Variants in SRRM5 observed in about 807,000 individuals in gnomAD.
The protein encoded by SRRM5 is serine/arginine repetitive matrix protein 5.
In SRRM5, 1 loss-of-function variant was observed where a neutral mutation model predicts 1.3. The ratio of observed to expected loss-of-function variants is 0.76; its 90% CI spans 0.27 to 3.59. The LOEUF is 3.59. SRRM5 is among the 30% of genes most tolerant of loss of function. The probability of loss-of-function intolerance (pLI) is 0.19; values close to 1 mark genes in which losing one functional copy is unlikely to be tolerated. For synonymous variants in SRRM5, 275 were observed against 320.2 expected, an observed-to-expected ratio of 0.86 and a Z score of 1.51; for missense variants, 875 against 914.5, an observed-to-expected ratio of 0.96 and a Z score of 0.56.
rs757710660 is a variant in SRRM5, at chr19:43,614,125, T to C, written c.2004T>C (p.Pro668=). The C allele has an allele frequency of 1.9e-6, 3 of 1,605,840 alleles. No individual in the cohort carries two copies. The highest frequency in any genetic ancestry group is 2.2e-5 in the South Asian group (2 of 90,064). ...RTSSLSQNRT[P]SKTSSHSPST... is the part of the protein sequence containing the mutation. Reference sequence around the variant, plus strand: ...GCAGTCTCAGTCAGAATAGAACCCCTAGCAAGACAAGCAGCCACTCCCCAT... The same window carrying C: ...GCAGTCTCAGTCAGAATAGAACCCCCAGCAAGACAAGCAGCCACTCCCCAT... The change falls in exon 1 of 1, where the codon CCT becomes CCC. Residue 668 remains proline (P), a synonymous_variant. Transcript: ENST00000417606.
Position 43,614,089 on chromosome 19 carries a change from TA to T in SRRM5, c.1969del (p.Thr657LeufsTer30). 1 of 1,569,646 alleles carries T rather than the reference TA, an allele frequency of 6.4e-7. No individual in the cohort carries two copies. Among genetic ancestry groups the T allele is most frequent in the South Asian group, 1.2e-5 (1 of 86,100 alleles). On this transcript the variant is annotated frameshift_variant, in exon 3 of 3. Transcript: ENST00000607544. LOFTEE classifies it low-confidence loss of function (END_TRUNC). ...GAAGTCCCGACTGGAAGAGATCCCC[TA>T]CTAGGACAAGCAGTCTCAGTCAGAA...
At position 43,612,218 on chromosome 19, in the gene SRRM5, A is replaced by T; in HGVS notation, c.97A>T (p.Lys33Ter). The T allele has an allele frequency of 6.4e-7, 1 of 1,551,710 alleles. No homozygotes were observed. Among genetic ancestry groups the T allele is most frequent in the Non-Finnish European group, 8.7e-7 (1 of 1,147,000 alleles). ...GGATCCCAAGCCTCCTGCCTCCTTG[A>T]AGTCCACCAAATCAGCAACACCCAA... The change falls in exon 3 of 3, where the codon AAG (lysine) becomes TAG (stop). Residue 33 changes from lysine (K) to a stop codon, truncating the protein, a stop_gained. Transcript: ENST00000607544. LOFTEE classifies it low-confidence loss of function (END_TRUNC). The surrounding 1 kb of genome is among the most constrained non-coding windows in gnomAD (Gnocchi z 4.2).
Position 43,613,528 on chromosome 19 carries a change from G to A in SRRM5, c.1407G>A (p.Lys469=). ...RDHSRSRSPN[K]ARDRSRSRSP... is the part of the protein sequence containing the mutation. ...ATAGCCGATCTAGAAGTCCCAACAA[G>A]GCGAGAGATCGCAGCCGATCTAGAA... Residue 469 remains lysine (K), a synonymous_variant, in exon 1 of 1, where the codon AAG becomes AAA. Transcript: ENST00000417606. 2.6e-6 allele frequency: 4 copies of A among 1,551,120 alleles called. No individual in the cohort carries two copies. The highest frequency in any genetic ancestry group is 3.5e-6 in the Non-Finnish European group (4 of 1,146,842).
chr19:43,613,639 G>C lies in SRRM5; in HGVS notation c.1518G>C (p.Glu506Asp), dbSNP rs568803309. 2 of 1,548,380 alleles carry C rather than the reference G, an allele frequency of 1.3e-6. No individual in the cohort carries two copies. The highest frequency in any genetic ancestry group is 2.0e-5 in the Admixed American group (1 of 50,938). ...GACGATCTAGAAGCCCCAGCAAGGA[G>C]AGACAGTGCAGACAATCTAGAAGCT... ...DHRRSRSPSK[E>D]RQCRQSRSSS... The change falls in exon 1 of 1, where the codon GAG becomes GAC. Residue 506 changes from glutamate (E) to aspartate (D), a missense_variant. Glu to Asp is a conservative substitution (Grantham distance 45). Transcript: ENST00000417606.
In SRRM5 at chr19:43,614,433, T is replaced by A. The variant is rs1973351309; in HGVS notation, c.*164T>A. On this transcript the variant is annotated 3_prime_UTR_variant, in exon 1 of 1. Transcript: ENST00000417606. ...CAGGATGTTGGCAGGTAGAGAGGGATGCTGGATAGGGGGAAAGGAAAGACC... is the reference window on the plus strand; with the variant it reads ...CAGGATGTTGGCAGGTAGAGAGGGAAGCTGGATAGGGGGAAAGGAAAGACC... 6 of 1,452,970 alleles carry A rather than the reference T, an allele frequency of 4.1e-6. No homozygotes were observed. The East Asian group carries it at 1.5e-4, about 36-fold the overall frequency. 90.0% of individuals were successfully genotyped at this position (1,452,970 alleles called of 1,614,324 possible).
rs761159656 is a variant in SRRM5 at position 43,612,746 on chromosome 19, G to C, written c.625G>C (p.Glu209Gln). 3 of 1,551,576 alleles carry C rather than the reference G, an allele frequency of 1.9e-6. No individual in the cohort carries two copies. Among genetic ancestry groups the C allele is most frequent in the Admixed American group, 2.0e-5 (1 of 51,000 alleles). ...AGGCTCAGGTATAGGGAGGAGTTCC[G>C]AGCTGGCTGTAACTCCCAGTACAGC... ...PGGSGIGRSS[E>Q]LAVTPSTAKC... Residue 209 changes from glutamate to glutamine, a missense_variant, in exon 1 of 1, where the codon GAG becomes CAG. Physicochemically the swap from Glu to Gln is conservative, Grantham distance 29. Coordinates refer to ENST00000417606, the MANE Select transcript of SRRM5 (RefSeq NM_001145641.2). The surrounding 1 kb of genome is among the most constrained non-coding windows in gnomAD (Gnocchi z 4.2).
chr19:43,612,937 C>T lies in SRRM5; in HGVS notation c.816C>T (p.Ala272=), dbSNP rs372081275. 6.4e-7 allele frequency: 1 copy of T among 1,551,650 alleles called. No homozygotes were observed. Among genetic ancestry groups the T allele is most frequent in the African/African-American group, 1.4e-5 (1 of 73,178 alleles). The change falls in exon 1 of 1, where the codon GCC becomes GCT. Residue 272 remains alanine (A), a synonymous_variant. Transcript: ENST00000417606. This position sits in a 1 kb window ranked among gnomAD's most constrained non-coding sequence, Gnocchi z 4.2. ...MSSRVKSYNQ[A]STRSRPQSHS... is the part of the protein sequence containing the mutation. The stretch of plus-strand genomic sequence containing the variant: ...GCAGGGTCAAGAGTTATAACCAGGC[C>T]AGCACCCGCAGCAGGCCGCAAAGTC...
In SRRM5 at chr19:43,614,218, G is replaced by A; in HGVS notation, c.2097G>A (p.Lys699=). ...GTCAAGCCGACGCCACCACCTCTAAGGCCACCTTACCTGGGGAAAGGTCTT... is the reference window on the plus strand; with the variant it reads ...GTCAAGCCGACGCCACCACCTCTAAAGCCACCTTACCTGGGGAAAGGTCTT... ...DDSQADATTS[K]ATLPGERSSS... is the part of the protein sequence containing the mutation. Residue 699 remains lysine (K), a synonymous_variant, in exon 1 of 1, where the codon AAG becomes AAA. Coordinates refer to ENST00000417606, the MANE Select transcript of SRRM5 (RefSeq NM_001145641.2). 1 of 1,614,204 alleles carries A rather than the reference G, an allele frequency of 6.2e-7. No individual in the cohort carries two copies. The highest frequency in any genetic ancestry group is 8.5e-7 in the Non-Finnish European group (1 of 1,180,036).
In SRRM5 at chr19:43,612,396, G is replaced by C; in HGVS notation, c.275G>C (p.Ser92Thr). Residue 92 changes from serine to threonine, a missense_variant, in exon 1 of 1, where the codon AGC (serine) becomes ACC (threonine). Coordinates refer to ENST00000417606, the MANE Select transcript of SRRM5 (RefSeq NM_001145641.2). The surrounding 1 kb of genome is among the most constrained non-coding windows in gnomAD (Gnocchi z 4.2). Reference protein sequence around the residue: ...SRVRSKARTPSRVSTDTRTSK... With the variant: ...SRVRSKARTPTRVSTDTRTSK... ...GTCCGCAGCAAAGCAAGAACACCCA[G>C]CAGGGTGAGCACCGACACCAGGACC... 6.4e-7 allele frequency: 1 copy of C among 1,551,708 alleles called. No individual in the cohort carries two copies. The highest frequency in any genetic ancestry group is 8.7e-7 in the Non-Finnish European group (1 of 1,147,004).
chr19:43,613,461 G>A lies in SRRM5; in HGVS notation c.1340G>A (p.Arg447Lys), dbSNP rs1280628155. Residue 447 changes from arginine to lysine, a missense_variant, in exon 1 of 1, where the codon AGA (arginine) becomes AAA (lysine). By Grantham distance (26) the Arg-to-Lys change is conservative. Transcript: ENST00000417606. ...CSRSRSPYKARDRSRSRSPNK... is the reference protein window; with the variant it reads ...CSRSRSPYKAKDRSRSRSPNK... ...CGATCTAGAAGTCCCTACAAGGCGA[G>A]AGATCGCAGCCGATCTAGAAGTCCC... 9 of 1,548,578 alleles carry A rather than the reference G, an allele frequency of 5.8e-6. No homozygotes were observed. Among genetic ancestry groups the A allele is most frequent in the Admixed American group, 2.0e-5 (1 of 50,540 alleles).
chr19:43,613,757 A>G lies in SRRM5; in HGVS notation c.1636A>G (p.Ser546Gly). 6.4e-7 allele frequency: 1 copy of G among 1,551,646 alleles called. No individual in the cohort carries two copies. Among genetic ancestry groups the G allele is most frequent in the African/African-American group, 1.4e-5 (1 of 73,150 alleles). Reference sequence around the variant, plus strand: ...AAGCCCCAACAAGGAGAGAGATCGCAGCCAATCTAGAAGCCCCAGCGAGGA... The same window carrying G: ...AAGCCCCAACAAGGAGAGAGATCGCGGCCAATCTAGAAGCCCCAGCGAGGA... The part of the protein sequence containing the change: ...SRSPNKERDR[S>G]QSRSPSEERE... Residue 546 changes from serine (S) to glycine (G), a missense_variant, in exon 1 of 1, where the codon AGC becomes GGC. Physicochemically the swap from Ser to Gly is moderately conservative, Grantham distance 56. Transcript: ENST00000417606.
Position 43,614,200 on chromosome 19 carries a change from C to T in SRRM5, c.2079C>T (p.Ala693=), listed in dbSNP as rs1973347736. Residue 693 remains alanine (A), a synonymous_variant, in exon 1 of 1, where the codon GCC becomes GCT. Transcript: ENST00000417606. The part of the protein sequence containing the change: ...GQTLSQDDSQ[A]DATTSKATLP... Reference sequence around the variant, plus strand: ...CCCTAAGCCAGGATGACAGTCAAGCCGACGCCACCACCTCTAAGGCCACCT... The same window carrying T: ...CCCTAAGCCAGGATGACAGTCAAGCTGACGCCACCACCTCTAAGGCCACCT... 9.3e-6 allele frequency: 15 copies of T among 1,614,076 alleles called. No individual in the cohort carries two copies. Among genetic ancestry groups the T allele is most frequent in the Non-Finnish European group, 1.2e-5 (14 of 1,180,038 alleles).
rs778734681 is a variant in SRRM5, at chr19:43,613,826, C to T, written c.1705C>T (p.Arg569Cys). 14 of 1,549,246 alleles carry T rather than the reference C, an allele frequency of 9.0e-6. No homozygotes were observed. In the Admixed American group the frequency reaches 1.8e-4, roughly 20 times the overall value. The change falls in exon 1 of 1, where the codon CGC becomes TGC. Residue 569 changes from arginine (R) to cysteine (C), a missense_variant. Arg to Cys is a radical substitution (Grantham distance 180). Coordinates refer to ENST00000417606, the MANE Select transcript of SRRM5 (RefSeq NM_001145641.2). The stretch of plus-strand genomic sequence containing the variant: ...CAGAAGCCCCAGCAAAGAGAGAGAT[C>T]GCAGACGATGGAGAAGCCCCAGCAA... ...QSRSPSKERD[R>C]RRWRSPSKER...
At position 43,613,925 on chromosome 19, in the gene SRRM5, C is replaced by T; in HGVS notation, c.1804C>T (p.Gln602Ter). 6.4e-7 allele frequency: 1 copy of T among 1,551,562 alleles called. No homozygotes were observed. The highest frequency in any genetic ancestry group is 8.7e-7 in the Non-Finnish European group (1 of 1,146,964). ...CAGCCGATCTAGAAGCCCCAATAAG[C>T]AGAGTGGTTACAGTCGACCTAGAGC... is the stretch of plus-strand genomic sequence containing the variant. The change falls in exon 3 of 3, where the codon CAG becomes TAG. Residue 602 changes from glutamine (Q) to a stop codon, truncating the protein, a stop_gained. Transcript: ENST00000607544. LOFTEE classifies it low-confidence loss of function (END_TRUNC).
In SRRM5 at chr19:43,612,917, G is replaced by A. The variant is rs1376491946; in HGVS notation, c.796G>A (p.Val266Ile). ...SYSPTEMSSR[V>I]KSYNQASTRS... is the part of the protein sequence containing the mutation. Reference sequence around the variant, plus strand: ...CAGCCCCACTGAAATGTCCAGCAGGGTCAAGAGTTATAACCAGGCCAGCAC... The same window carrying A: ...CAGCCCCACTGAAATGTCCAGCAGGATCAAGAGTTATAACCAGGCCAGCAC... The change falls in exon 1 of 1, where the codon GTC (valine) becomes ATC (isoleucine). Residue 266 changes from valine to isoleucine, a missense_variant. Val to Ile is a conservative substitution (Grantham distance 29, BLOSUM62 3). Coordinates refer to ENST00000417606, the MANE Select transcript of SRRM5 (RefSeq NM_001145641.2). The surrounding 1 kb of genome is among the most constrained non-coding windows in gnomAD (Gnocchi z 4.2). The A allele has an allele frequency of 6.4e-7, 1 of 1,551,566 alleles. No individual in the cohort carries two copies. The highest frequency in any genetic ancestry group is 8.7e-7 in the Non-Finnish European group (1 of 1,146,994).
Position 43,613,164 on chromosome 19 carries a change from G to A in SRRM5, c.1043G>A (p.Arg348Lys), listed in dbSNP as rs1973322883. The change falls in exon 1 of 1, where the codon AGA becomes AAA. Residue 348 changes from arginine to lysine, a missense_variant. Transcript: ENST00000417606. ...GKSQNQSRTP[R>K]RGRSHNWSRN... ...AGTCAAAACCAATCTAGAACCCCCA[G>A]AAGAGGAAGAAGTCACAACTGGTCT... is the stretch of plus-strand genomic sequence containing the variant. 3 of 1,551,560 alleles carry A rather than the reference G, an allele frequency of 1.9e-6. No homozygotes were observed. Among genetic ancestry groups the A allele is most frequent in the Non-Finnish European group, 2.6e-6 (3 of 1,147,012 alleles).
rs771593141 is a variant in SRRM5, at chr19:43,614,265, C to T, written c.2144C>T (p.Ala715Val). ...TCTTCATCATCTTCTTCCAAGCTGGCGTAGCCCCCAGTCTCAGCTGGCTCA... is the reference window on the plus strand; with the variant it reads ...TCTTCATCATCTTCTTCCAAGCTGGTGTAGCCCCCAGTCTCAGCTGGCTCA... ...ERSSSSSSKL[A>V] Residue 715 changes from alanine to valine, a missense_variant, in exon 1 of 1, where the codon GCG (alanine) becomes GTG (valine). Ala to Val is a moderately conservative substitution (Grantham distance 64). Coordinates refer to ENST00000417606, the MANE Select transcript of SRRM5 (RefSeq NM_001145641.2). 4.3e-6 allele frequency: 7 copies of T among 1,613,346 alleles called. No homozygotes were observed. The Admixed American group carries it at 5.0e-5, about 12-fold the overall frequency.
Position 43,614,413 on chromosome 19 carries a change from T to C in SRRM5, c.*144T>C. On this transcript the variant is annotated 3_prime_UTR_variant, in exon 1 of 1. Coordinates refer to ENST00000417606, the MANE Select transcript of SRRM5 (RefSeq NM_001145641.2). ...CGGCCACAAGTTCTCTAATACAGGA[T>C]GTTGGCAGGTAGAGAGGGATGCTGG... 3 of 1,474,214 alleles carry C rather than the reference T, an allele frequency of 2.0e-6. No homozygotes were observed. The South Asian group carries it at 4.3e-5, about 21-fold the overall frequency. The allele number at this position is 1,474,214 out of a possible 1,614,324, so 91.3% of individuals were successfully genotyped here.
In SRRM5 at chr19:43,612,735, G is replaced by A; in HGVS notation, c.614G>A (p.Gly205Glu). The part of the protein sequence containing the change: ...SYRPPGGSGI[G>E]RSSELAVTPS... ...CGCCCACCAGGAGGCTCAGGTATAG[G>A]GAGGAGTTCCGAGCTGGCTGTAACT... The change falls in exon 1 of 1, where the codon GGG (glycine) becomes GAG (glutamate). Residue 205 changes from glycine (G) to glutamate (E), a missense_variant. Coordinates refer to ENST00000417606, the MANE Select transcript of SRRM5 (RefSeq NM_001145641.2). This position sits in a 1 kb window ranked among gnomAD's most constrained non-coding sequence, Gnocchi z 4.2. 1 of 1,551,658 alleles carries A rather than the reference G, an allele frequency of 6.4e-7. No homozygotes were observed. The highest frequency in any genetic ancestry group is 2.4e-5 in the East Asian group (1 of 40,916).
Sources: gnomAD v4.1 joint callset for allele counts on GRCh38, gnomAD v4.1.1 for gene constraint, Gnocchi (gnomAD v3.1) non-coding constraint, MANE v1.5 for transcripts, NCBI Gene and HGNC (gene_info 2026-07-23, HGNC 2026-07-21) for gene names.